THSD7B: variants seen among roughly 807,000 people sequenced by gnomAD.
THSD7B encodes the protein thrombospondin type 1 domain containing 7B.
A neutral mutation model predicts 213.6 loss-of-function variants in THSD7B; 138 were observed. That is an observed-to-expected ratio of 0.65 (90% CI 0.56 to 0.74). The LOEUF (loss-of-function observed/expected upper bound fraction) is 0.74. THSD7B is among the 30% of genes least tolerant of loss of function. The probability of loss-of-function intolerance (pLI) is 0.00; values close to 1 mark genes in which losing one functional copy is unlikely to be tolerated. For synonymous variants in THSD7B, 742 were observed against 687.0 expected, an observed-to-expected ratio of 1.08 and a Z score of -1.25; for missense variants, 1,931 against 1,991.5, an observed-to-expected ratio of 0.97 and a Z score of 0.58.
At chr2:137,237,108 C>T (rs866577058) in intron 9 of THSD7B, among the ~76,000 whole-genome samples, 7 of 99,814 alleles carry the variant, frequency 7.0e-5, no homozygotes, top group Non-Finnish European at 8.2e-5. Flanking sequence ...AGAGAAACTC[C>T]GTCTCAAAAA....
At chr2:137,456,356 T>C (rs1421272908) in intron 15 of THSD7B, among the ~76,000 whole-genome samples, 1 of 152,254 alleles carries the variant, frequency 6.6e-6, no homozygotes, top group Admixed American at 6.5e-5. Flanking sequence ...CTGATACTGC[T>C]TTATTAACTA....
chr2:137,271,894 A>T (rs543705310), intron 10 of THSD7B, among the ~76,000 whole-genome samples: 14 of 152,262 alleles, frequency 9.2e-5, no homozygotes, highest in South Asian at 4.1e-4. Flanking sequence ...TAAAGTGAAC[A>T]TCAGTTGTTT....
chr2:137,567,039 G>A (rs2105228505), intron 16 of THSD7B, among the ~76,000 whole-genome samples: 1 of 152,222 alleles, frequency 6.6e-6, no homozygotes, highest in South Asian at 2.1e-4. Context: ...TGTCCCATAT[G>A]ACTAGTGTCA....
chr2:137,192,905 G>A (rs1056162252), intron 7 of THSD7B, among the ~76,000 whole-genome samples: 2 of 152,146 alleles, frequency 1.3e-5, no homozygotes, highest in African/African-American at 2.4e-5. Context: ...ATTACTTGAC[G>A]TGGTGTCTCT....
At chr2:137,112,459 A>G (rs1239435918) in intron 4 of THSD7B, among the ~76,000 whole-genome samples, 5 of 152,148 alleles carry the variant, frequency 3.3e-5, no homozygotes, top group Admixed American at 2.6e-4. Flanking sequence ...TGAGCTACCA[A>G]CAAGTTTTTT....
At chr2:137,039,941 C>G (rs1686850061) in intron 2 of THSD7B, among the ~76,000 whole-genome samples, 1 of 152,176 alleles carries the variant, frequency 6.6e-6, no homozygotes, top group Non-Finnish European at 1.5e-5. Context: ...CCCAGCTAGT[C>G]AGAGGGTGTT....
rs568949656 is a variant in THSD7B, at chr2:137,404,773, T to C, written c.2501-840T>C. ...CTCAGGAATGGAAAACCAAACATCATATGCTCTCACTGATATGTGGGAACT... is the reference window on the plus strand; with the variant it reads ...CTCAGGAATGGAAAACCAAACATCACATGCTCTCACTGATATGTGGGAACT... On this transcript the variant is annotated intron_variant, in intron 12 of 27. Transcript: ENST00000409968. 7.6e-4 allele frequency among the ~76,000 whole-genome samples: 116 copies of C among 152,024 alleles called. 1 individual carries two copies. The highest frequency in any genetic ancestry group is 2.2e-3 in the Admixed American group (34 of 15,238).
chr2:137,454,388 T>TTCGAAA (rs1553451265), intron 15 of THSD7B, among the ~76,000 whole-genome samples: 5 of 131,810 alleles, frequency 3.8e-5, no homozygotes, highest in African/African-American at 1.3e-4. Context: ...TTCAGAGCCA[T>TTCGAAA]TCTATCTGTC....
chr2:136,848,661 A>G (rs1360004990), intron 1 of THSD7B, among the ~76,000 whole-genome samples: 1 of 152,114 alleles, frequency 6.6e-6, no homozygotes, highest in Non-Finnish European at 1.5e-5. Flanking sequence ...TTTTAATCCA[A>G]TTTTTGCCTA....
intron 2 of THSD7B, among the ~76,000 whole-genome samples, chr2:136,949,108 T>C (rs13398870): frequency 0.074 from 11,250 of 152,178 alleles, 670 homozygotes; most frequent in African/African-American, 0.16. Context: ...TTTGGAAAGC[T>C]GGAAGTCAGC....
intron 12 of THSD7B, among the ~76,000 whole-genome samples, chr2:137,396,378 G>T (rs1686188450): frequency 7.0e-6 from 1 of 143,810 alleles, no homozygotes; most frequent in Non-Finnish European, 1.5e-5. Flanking sequence ...TGTTCTCATT[G>T]GTTTCAAAGA....
At chr2:137,046,655 G>C (rs750103466) in intron 2 of THSD7B, among the ~76,000 whole-genome samples, 4 of 151,338 alleles carry the variant, frequency 2.6e-5, no homozygotes, top group Middle Eastern at 3.4e-3. Context: ...ATTTGAACCT[G>C]GGAGGCAGAG....
At position 136,882,225 on chromosome 2, in the gene THSD7B, G is replaced by A; in HGVS notation, c.47G>A (p.Ser16Asn). 2 of 1,544,774 alleles carry A rather than the reference G, an allele frequency of 1.3e-6. No individual in the cohort carries two copies. The highest frequency in any genetic ancestry group is 8.7e-7 in the Non-Finnish European group (1 of 1,144,514). ...ACAGTCACTTGCTGGGTATGGAGGA[G>A]CATGAGGAAGCTCTTTCTATTGCTT... The part of the protein sequence containing the change: ...NLTVTCWVWR[S>N]MRKLFLLLSL... The change falls in exon 2 of 28, where the codon AGC (serine) becomes AAC (asparagine). Residue 16 changes from serine (S) to asparagine (N), a missense_variant. By Grantham distance (46) the Ser-to-Asn change is conservative. Transcript: ENST00000409968.
intron 12 of THSD7B, among the ~76,000 whole-genome samples, chr2:137,403,918 A>G (rs1686435286): frequency 6.6e-6 from 1 of 152,136 alleles, no homozygotes. Context: ...ACTTATTTAC[A>G]CACCCACAAA....
rs534073029 is a variant in THSD7B at position 137,262,465 on chromosome 2, A to T, written c.2267-10068A>T. 1.9e-4 allele frequency among the ~76,000 whole-genome samples: 29 copies of T among 152,288 alleles called. No individual in the cohort carries two copies. In the South Asian group the frequency reaches 5.0e-3, roughly 26 times the overall value. ...GGGTCAGGATTTGCGGAAAAAAAAA[A>T]AAATAAATCCCTGTCATTTCATAAC... On this transcript the variant is annotated intron_variant, in intron 10 of 27. Coordinates refer to ENST00000409968, the MANE Select transcript of THSD7B (RefSeq NM_001316349.2).
At chr2:137,629,609 C>T (rs1682702145) in intron 20 of THSD7B, among the ~76,000 whole-genome samples, 1 of 152,208 alleles carries the variant, frequency 6.6e-6, no homozygotes, top group East Asian at 1.9e-4. Context: ...GAATAATAAA[C>T]AAAGACAAAA....
chr2:137,351,301 T>C (rs1685008782), intron 12 of THSD7B, among the ~76,000 whole-genome samples: 1 of 151,968 alleles, frequency 6.6e-6, no homozygotes, highest in Admixed American at 6.6e-5. Flanking sequence ...AAGCTTAACA[T>C]AGAGTATTAA....
intron 13 of THSD7B, among the ~76,000 whole-genome samples, chr2:137,406,423 ATAGTGTATTTTACTACGTGCC>A (rs1686519075): frequency 6.6e-6 from 1 of 152,234 alleles, no homozygotes; most frequent in Non-Finnish European, 1.5e-5. Flanking sequence ...AATTGATGCA[ATAGTGTATTTTACTACGTGCC>A]TAGATAAAAA....
chr2:137,094,568 A>C (rs974749573), intron 3 of THSD7B, among the ~76,000 whole-genome samples: 1 of 151,954 alleles, frequency 6.6e-6, no homozygotes, highest in Non-Finnish European at 1.5e-5. Flanking sequence ...TAAAAAAAAA[A>C]AACACAGCAG....
Sources: gnomAD v4.1 joint callset for allele counts (sites outside exome capture counted in the v4.1 genomes callset) on GRCh38, gnomAD v4.1.1 for gene constraint, MANE v1.5 for transcripts, NCBI Gene and HGNC (gene_info 2026-07-23, HGNC 2026-07-21) for gene names.